The following UTP20 variants were observed in gnomAD, a reference collection of about 807,000 sequenced individuals.
UTP20 encodes the protein UTP20 small subunit processome component.
UTP20 carries 164 observed loss-of-function variants against 329.5 expected under a neutral mutation model. That is an observed-to-expected ratio of 0.50 (90% CI 0.44 to 0.57). The LOEUF (loss-of-function observed/expected upper bound fraction) is 0.57. Among genes scored for constraint, UTP20 ranks in the 20% least tolerant of loss-of-function variants. UTP20 has a pLI of 0.00. For missense variants in UTP20, 3,055 were observed against 3,284.2 expected (o/e 0.93, Z 1.71); for synonymous variants, 1,151 against 1,159.3 (o/e 0.99, Z 0.14).
intron 60 of UTP20, 26 bp from the exon 61 acceptor site, chr12:101,385,557 G>T (rs1225224228): frequency 3.1e-6 from 5 of 1,599,526 alleles, no homozygotes; most frequent in Non-Finnish European, 4.3e-6. Context: ...ACCTGTCTCT[G>T]ATCATTACTC....
Position 101,370,167 on chromosome 12 carries a change from T to G in UTP20, c.6556-265T>G, listed in dbSNP as rs1486749209. 2.6e-5 allele frequency among the ~76,000 whole-genome samples: 4 copies of G among 152,158 alleles called. No homozygotes were observed. The East Asian group carries it at 7.7e-4, about 29-fold the overall frequency. ...AGGAGTTAGAGGCTGCAGTGAGCTATGATCACATCACTGCACTCCAGCCTT... is the reference window on the plus strand; with the variant it reads ...AGGAGTTAGAGGCTGCAGTGAGCTAGGATCACATCACTGCACTCCAGCCTT... On this transcript the variant is annotated intron_variant, in intron 49 of 61. Transcript: ENST00000261637.
In UTP20 at chr12:101,363,094, C is replaced by T. The variant is rs748671281; in HGVS notation, c.5791-482C>T. On this transcript the variant is annotated intron_variant, in intron 44 of 61. Coordinates refer to ENST00000261637, the MANE Select transcript of UTP20 (RefSeq NM_014503.3). ...GTTGCAATGAGCTGAGATCATGCCACTGCACTCCAGCCTGGGTGCCAGAGT... is the reference window on the plus strand; with the variant it reads ...GTTGCAATGAGCTGAGATCATGCCATTGCACTCCAGCCTGGGTGCCAGAGT... 2.4e-4 allele frequency among the ~76,000 whole-genome samples: 25 copies of T among 103,964 alleles called. 4 individuals are homozygous for T. In the South Asian group the frequency reaches 3.6e-3, roughly 15 times the overall value. 68.2% of individuals were successfully genotyped at this position (103,964 alleles called of 152,430 possible).
At chr12:101,312,422 T>G (rs549210935) in intron 21 of UTP20, 146 bp downstream of exon 21, 48 of 1,250,516 alleles carry the variant, frequency 3.8e-5, no homozygotes, top group Non-Finnish European at 5.0e-5. Flanking sequence ...AGGTATTTTT[T>G]GTTTGTTTGT....
chr12:101,306,801 T>C (rs765970307), intron 17 of UTP20, 40 bp downstream of exon 17: 12 of 1,520,614 alleles, frequency 7.9e-6, no homozygotes, highest in African/African-American at 2.8e-5. Context: ...TAAAAAAATA[T>C]AGTTTTACAT....
At chr12:101,324,163 AT>A (rs1205986877) in intron 25 of UTP20, among the ~76,000 whole-genome samples, 7 of 151,368 alleles carry the variant, frequency 4.6e-5, no homozygotes, top group African/African-American at 1.7e-4. Context: ...AAATAAATAA[AT>A]AATAATAATT....
chr12:101,316,650 C>T (rs1180259410), intron 21 of UTP20, among the ~76,000 whole-genome samples: 1 of 152,100 alleles, frequency 6.6e-6, no homozygotes. Flanking sequence ...GTTATTTTAT[C>T]AGTGTGTTTT....
chr12:101,329,107 A>G (rs1593435204), intron 26 of UTP20, 134 bp from the exon 27 acceptor site: 2 of 772,052 alleles, frequency 2.6e-6, no homozygotes, highest in Non-Finnish European at 4.1e-6. Context: ...AGAAAAGTGC[A>G]TTGTCATCTA....
At chr12:101,361,478 T>G (rs1328697601) in intron 43 of UTP20, among the ~76,000 whole-genome samples, 1 of 151,566 alleles carries the variant, frequency 6.6e-6, no homozygotes, top group Non-Finnish European at 1.5e-5. Flanking sequence ...ACAAAAAAAT[T>G]AGCCAGTCAC....
At chr12:101,383,811 T>A in intron 60 of UTP20, 142 bp downstream of exon 60, 1 of 271,904 alleles carries the variant, frequency 3.7e-6, no homozygotes, top group Non-Finnish European at 5.8e-6. Context: ...TTATATATTA[T>A]ATACTTATAT....
chr12:101,332,699 T>C (rs1177279467), intron 27 of UTP20, among the ~76,000 whole-genome samples: 1 of 152,366 alleles, frequency 6.6e-6, no homozygotes, highest in South Asian at 2.1e-4. Context: ...GAGATCTTCC[T>C]ATCCCTTGAC....
At chr12:101,335,103 A>G (rs1868891838) in intron 29 of UTP20, among the ~76,000 whole-genome samples, 1 of 152,232 alleles carries the variant, frequency 6.6e-6, no homozygotes, top group Non-Finnish European at 1.5e-5. Flanking sequence ...AACTGTTAAC[A>G]ATGTGGCCAT....
rs373294821 is a variant in UTP20, at chr12:101,312,293, A to C, written c.2552+17A>C. On this transcript the variant is annotated intron_variant, in intron 21 of 61. Transcript: ENST00000261637. ...ATTTATCAAGTAAGTTTCCTCTTCT[A>C]AGAATATGTCCCTGGTGGGGCATGA... 51 of 1,612,892 alleles carry C rather than the reference A, an allele frequency of 3.2e-5. No individual in the cohort carries two copies. Among genetic ancestry groups the C allele is most frequent in the Non-Finnish European group, 4.2e-5 (50 of 1,179,654 alleles).
chr12:101,338,550 C>G (rs2137274612), intron 30 of UTP20, among the ~76,000 whole-genome samples: 1 of 152,252 alleles, frequency 6.6e-6, no homozygotes, highest in South Asian at 2.1e-4. Flanking sequence ...ACCATATTAT[C>G]CCAAATAATT....
Position 101,363,679 on chromosome 12 carries a change from A to G in UTP20, c.5894A>G (p.Tyr1965Cys), listed in dbSNP as rs1869999749. ...CGAAGAAGCAAAAGTTACGACTCTT[A>G]TGAAATCCTCGGCAAGTTTGTAGGA... ...EARRSKSYDS[Y>C]EILGKFVGKD... The change falls in exon 45 of 62, where the codon TAT becomes TGT. Residue 1965 changes from tyrosine to cysteine, a missense_variant. By Grantham distance (194) the Tyr-to-Cys change is radical. Around this residue, in one of 3 missense-constraint regions of UTP20, gnomAD observed 2,445 missense variants for 2,575.5 expected, o/e 0.95. Coordinates refer to ENST00000261637, the MANE Select transcript of UTP20 (RefSeq NM_014503.3). The G allele has an allele frequency of 6.2e-7, 1 of 1,613,406 alleles. No individual in the cohort carries two copies. The highest frequency in any genetic ancestry group is 8.5e-7 in the Non-Finnish European group (1 of 1,179,322).
intron 14 of UTP20, among the ~76,000 whole-genome samples, chr12:101,301,352 C>CG (rs1250236800): frequency 6.6e-6 from 1 of 151,630 alleles, no homozygotes; most frequent in African/African-American, 2.4e-5. Flanking sequence ...AGAGCCCCCC[C>CG]CGCCCAACTC....
intron 32 of UTP20, among the ~76,000 whole-genome samples, chr12:101,341,414 T>C (rs73159739): frequency 0.2 from 30,164 of 152,150 alleles, 3,622 homozygotes; most frequent in East Asian, 0.37. Context: ...CTCCAGTGGC[T>C]CAAGCTCATT....
chr12:101,283,524 G>A (rs1336098226), intron 2 of UTP20, among the ~76,000 whole-genome samples: 2 of 152,166 alleles, frequency 1.3e-5, no homozygotes, highest in Non-Finnish European at 2.9e-5. Flanking sequence ...TTGGTGAAAG[G>A]AGCTCCAGAG....
intron 17 of UTP20, 43 bp downstream of exon 17, chr12:101,306,804 T>A: frequency 6.6e-7 from 1 of 1,513,710 alleles, no homozygotes; most frequent in Non-Finnish European, 9.0e-7. Flanking sequence ...AAAAATATAG[T>A]TTTACATATT....
At chr12:101,354,711 C>T (rs1869657550) in intron 40 of UTP20, 121 bp from the exon 41 acceptor site, 2 of 1,062,814 alleles carry the variant, frequency 1.9e-6, no homozygotes, top group Admixed American at 4.9e-5. Context: ...CCTTGCCTGC[C>T]CACAGTTGCT....
Sources: allele counts gnomAD v4.1 joint callset (sites outside exome capture counted in the v4.1 genomes callset), GRCh38; gene constraint gnomAD v4.1.1; regional missense constraint gnomAD v4.1.1; transcripts MANE v1.5; gene names NCBI Gene and HGNC (gene_info 2026-07-23, HGNC 2026-07-21).